The following CADM2 variants were observed in gnomAD, a reference collection of about 807,000 sequenced individuals.
CADM2 encodes immunoglobulin superfamily member 4D.
Under a neutral mutation model 49.8 loss-of-function variants are expected in CADM2, and 12 were observed. That is an observed-to-expected ratio of 0.24 (90% CI 0.15 to 0.39). The LOEUF is 0.39. CADM2 is among the 10% of genes least tolerant of loss of function. The pLI, the probability that CADM2 is intolerant of heterozygous loss-of-function variation, is 1.00. For missense variants in CADM2, 378 were observed against 492.3 expected (o/e 0.77, Z 2.20); for synonymous variants, 214 against 175.4 (o/e 1.22, Z -1.74).
At chr3:85,104,853 T>C (rs1035529736) in intron 1 of CADM2, among the ~76,000 whole-genome samples, 1 of 152,198 alleles carries the variant, frequency 6.6e-6, no homozygotes, top group African/African-American at 2.4e-5. Context: ...AGTTCACTCA[T>C]GATTTGGCTC....
At chr3:85,362,675 T>A (rs1241707279) in intron 1 of CADM2, among the ~76,000 whole-genome samples, 3 of 152,186 alleles carry the variant, frequency 2.0e-5, no homozygotes, top group Admixed American at 2.0e-4. Context: ...GGGGAGCAAG[T>A]TTCAACTTGT....
intron 1 of CADM2, among the ~76,000 whole-genome samples, chr3:85,112,249 A>G (rs1048865194): frequency 5.3e-5 from 8 of 151,892 alleles, no homozygotes; most frequent in Admixed American, 3.3e-4. Context: ...CCAATGGCCA[A>G]TTTAAACATG....
At chr3:85,191,165 A>G (rs2041197923) in intron 1 of CADM2, among the ~76,000 whole-genome samples, 1 of 152,000 alleles carries the variant, frequency 6.6e-6, no homozygotes, top group Admixed American at 6.6e-5. Flanking sequence ...ATATAAAGTT[A>G]CATCCTCCTA....
At chr3:85,507,323 G>T (rs2040401049) in intron 1 of CADM2, among the ~76,000 whole-genome samples, 1 of 151,454 alleles carries the variant, frequency 6.6e-6, no homozygotes. Flanking sequence ...AAGTAACTGG[G>T]GCTATAGGCG....
intron 1 of CADM2, among the ~76,000 whole-genome samples, chr3:85,045,870 A>G (rs1451044883): frequency 6.6e-6 from 1 of 152,108 alleles, no homozygotes; most frequent in Non-Finnish European, 1.5e-5. Flanking sequence ...AACACATTCC[A>G]TATTCTCTTT....
chr3:85,641,246 A>C lies in CADM2; in HGVS notation c.62-85276A>C, dbSNP rs558163698. Among the ~76,000 whole-genome samples the C allele has an allele frequency of 5.3e-4, 81 of 152,322 alleles. 1 individual carries two copies. Among genetic ancestry groups the C allele is most frequent in the African/African-American group, 1.7e-3 (72 of 41,576 alleles). On this transcript the variant is annotated intron_variant, in intron 1 of 9. Coordinates refer to ENST00000383699, the MANE Select transcript of CADM2 (RefSeq NM_001167675.2). ...AAGTATATACACTAGTGATAGAAGTAAATACACTAGTAATAGAAAATATTT... is the reference window on the plus strand; with the variant it reads ...AAGTATATACACTAGTGATAGAAGTCAATACACTAGTAATAGAAAATATTT...
At chr3:86,009,182 T>A (rs1161967624) in intron 8 of CADM2, among the ~76,000 whole-genome samples, 1 of 138,734 alleles carries the variant, frequency 7.2e-6, no homozygotes, top group Non-Finnish European at 1.5e-5. Flanking sequence ...GGTATATATA[T>A]GAATATATGT....
At chr3:85,637,335 G>T (rs1337095062) in intron 1 of CADM2, among the ~76,000 whole-genome samples, 1 of 151,748 alleles carries the variant, frequency 6.6e-6, no homozygotes, top group African/African-American at 2.4e-5. Context: ...GGGCGCGGTG[G>T]CTCACGCCTG....
At chr3:85,526,693 T>C (rs1430280954) in intron 1 of CADM2, among the ~76,000 whole-genome samples, 2 of 152,180 alleles carry the variant, frequency 1.3e-5, no homozygotes, top group Non-Finnish European at 2.9e-5. Context: ...TGGCTCACAC[T>C]AGATCCCTAA....
intron 1 of CADM2, among the ~76,000 whole-genome samples, chr3:85,496,321 T>C (rs1415667500): frequency 1.3e-5 from 2 of 152,212 alleles, no homozygotes; most frequent in African/African-American, 4.8e-5. Flanking sequence ...TGTGTTATTT[T>C]GCTTACGATA....
At chr3:85,094,701 A>C (rs1028891942) in intron 1 of CADM2, among the ~76,000 whole-genome samples, 1 of 152,164 alleles carries the variant, frequency 6.6e-6, no homozygotes, top group African/African-American at 2.4e-5. Flanking sequence ...GCATGCAATC[A>C]CTGACTTTTC....
At chr3:85,308,046 A>G (rs570140328) in intron 1 of CADM2, among the ~76,000 whole-genome samples, 1 of 151,848 alleles carries the variant, frequency 6.6e-6, no homozygotes, top group South Asian at 2.1e-4. Context: ...TCTTACTGTC[A>G]TATATCTTAA....
In CADM2 at chr3:86,067,335, A is replaced by G. The variant is rs1306591247; in HGVS notation, c.*552A>G. 1 of 152,704 alleles carries G rather than the reference A, an allele frequency of 6.5e-6. No individual in the cohort carries two copies. The highest frequency in any genetic ancestry group is 2.4e-5 in the African/African-American group (1 of 41,444). 9.5% of individuals were successfully genotyped at this position (152,704 alleles called of 1,614,324 possible). On this transcript the variant is annotated 3_prime_UTR_variant, in exon 10 of 10. Transcript: ENST00000383699. ...ACATAAAATTAAAAAAAAACACTAT[A>G]GTGTAGTTTTTGGAATGTTGGAGAT...
chr3:85,542,549 A>G (rs1364890931), intron 1 of CADM2, among the ~76,000 whole-genome samples: 1 of 152,210 alleles, frequency 6.6e-6, no homozygotes, highest in African/African-American at 2.4e-5. Flanking sequence ...GAAATCAGTC[A>G]TAAGAATGGT....
At chr3:85,262,277 ATAT>A (rs2043029288) in intron 1 of CADM2, among the ~76,000 whole-genome samples, 1 of 152,088 alleles carries the variant, frequency 6.6e-6, no homozygotes, top group Non-Finnish European at 1.5e-5. Flanking sequence ...TTCATATTAC[ATAT>A]TATAATTTTC....
In CADM2 at chr3:85,235,727, A is replaced by C. The variant is rs537388804; in HGVS notation, c.61+276059A>C. On this transcript the variant is annotated intron_variant, in intron 1 of 9. Coordinates refer to ENST00000383699, the MANE Select transcript of CADM2 (RefSeq NM_001167675.2). Reference sequence around the variant, plus strand: ...CCATTTATGATAAGATCTATCTCTAAGGTTATTTTTATGTCCTCTTATAGA... The same window carrying C: ...CCATTTATGATAAGATCTATCTCTACGGTTATTTTTATGTCCTCTTATAGA... 9.9e-5 allele frequency among the ~76,000 whole-genome samples: 15 copies of C among 152,114 alleles called. No individual in the cohort carries two copies. In the South Asian group the frequency reaches 2.7e-3, roughly 27 times the overall value.
chr3:85,419,703 G>T (rs2036081851), intron 1 of CADM2, among the ~76,000 whole-genome samples: 1 of 152,010 alleles, frequency 6.6e-6, no homozygotes, highest in African/African-American at 2.4e-5. Context: ...TTTTTCATAT[G>T]TATTGTGTAA....
chr3:85,573,319 A>G (rs546708629), intron 1 of CADM2, among the ~76,000 whole-genome samples: 13 of 152,068 alleles, frequency 8.5e-5, no homozygotes, highest in South Asian at 6.3e-4. Context: ...CAGCCTCCCA[A>G]GAAGTTAGGA....
At chr3:85,009,380 G>A (rs2033882352) in intron 1 of CADM2, among the ~76,000 whole-genome samples, 1 of 152,144 alleles carries the variant, frequency 6.6e-6, no homozygotes, top group Non-Finnish European at 1.5e-5. Context: ...CGAGTTGAAA[G>A]TCCTTAGTTC....
Sources: allele counts gnomAD v4.1 joint callset (sites outside exome capture counted in the v4.1 genomes callset), GRCh38; gene constraint gnomAD v4.1.1; transcripts MANE v1.5; gene names NCBI Gene and HGNC (gene_info 2026-07-23, HGNC 2026-07-21).